NDOR1: variants seen among roughly 807,000 people sequenced by gnomAD.
The protein encoded by NDOR1 is NADPH-dependent diflavin oxidoreductase 1.
NDOR1 carries 61 observed loss-of-function variants against 67.2 expected under a neutral mutation model. The ratio of observed to expected loss-of-function variants is 0.91; its 90% CI spans 0.74 to 1.12. NDOR1 has a LOEUF of 1.12. Among genes scored for constraint, NDOR1 ranks in the 50% most tolerant of loss-of-function variants. NDOR1 has a pLI of 0.00. For missense variants in NDOR1, 878 were observed against 802.8 expected (o/e 1.09, Z -1.13); for synonymous variants, 378 against 343.7 (o/e 1.10, Z -1.10).
At position 137,214,663 on chromosome 9, in the gene NDOR1, GCT is replaced by G. The variant is rs747920756; in HGVS notation, c.819_820del (p.Phe274HisfsTer50). The G allele has an allele frequency of 2.5e-6, 4 of 1,606,090 alleles. No individual in the cohort carries two copies. The highest frequency in any genetic ancestry group is 3.4e-6 in the Non-Finnish European group (4 of 1,179,914). On this transcript the variant is annotated frameshift_variant, in exon 7 of 14. Coordinates refer to ENST00000684003, the MANE Select transcript of NDOR1 (RefSeq NM_014434.4). LOFTEE classifies it high-confidence loss of function. ...CQVLGLDPDQLFMLQPREPDV... is the reference protein window; with the variant it reads ...CQVLGLDPDQXFMLQPREPDV... The stretch of plus-strand genomic sequence containing the variant: ...AGGTGCTGGGCCTGGACCCTGACCA[GCT>G]CTTCATGCTGCAGCCGCGGGAGCCA...
At chr9:137,215,350 C>T in intron 9 of NDOR1, 57 bp from the exon 10 acceptor site, 2 of 1,582,274 alleles carry the variant, frequency 1.3e-6, no homozygotes, top group Admixed American at 3.4e-5. Flanking sequence ...GGCCCACGGC[C>T]CAGGCACAGG....
chr9:137,211,086 A>G (rs1349645457), intron 2 of NDOR1, among the ~76,000 whole-genome samples: 1 of 152,232 alleles, frequency 6.6e-6, no homozygotes, highest in Non-Finnish European at 1.5e-5. Context: ...GGTTGCGGTG[A>G]GCTGAGGTCG....
intron 2 of NDOR1, among the ~76,000 whole-genome samples, chr9:137,207,311 C>T (rs919131168): frequency 1.3e-5 from 2 of 151,572 alleles, no homozygotes; most frequent in Non-Finnish European, 2.9e-5. Context: ...GGAACGGACC[C>T]AATAGGTCAA....
In NDOR1 at chr9:137,217,026, C is replaced by T. The variant is rs1835643332; in HGVS notation, c.*610C>T. On this transcript the variant is annotated 3_prime_UTR_variant, in exon 14 of 14. Coordinates refer to ENST00000684003, the MANE Select transcript of NDOR1 (RefSeq NM_014434.4). The stretch of plus-strand genomic sequence containing the variant: ...GGGTGGTTACTTCTAGCGCAGGCTT[C>T]CTTCCTTCCTCTAGCTCCTCCCGGT... 5.5e-6 allele frequency: 1 copy of T among 180,786 alleles called. No homozygotes were observed. The highest frequency in any genetic ancestry group is 2.4e-5 in the African/African-American group (1 of 41,608). 11.2% of individuals were successfully genotyped at this position (180,786 alleles called of 1,614,324 possible).
intron 2 of NDOR1, among the ~76,000 whole-genome samples, chr9:137,210,230 T>C (rs1003478084): frequency 6.6e-6 from 1 of 152,148 alleles, no homozygotes; most frequent in Non-Finnish European, 1.5e-5. Context: ...CTTTTTCTTT[T>C]TCTTTCTGGA....
chr9:137,206,198 C>T (rs768349517), intron 1 of NDOR1, 34 bp from the exon 2 acceptor site: 1 of 1,612,740 alleles, frequency 6.2e-7, no homozygotes, highest in South Asian at 1.1e-5. Flanking sequence ...TCCTTACAGC[C>T]GGAGGTCTTA....
rs961444278 is a variant in NDOR1 at position 137,219,259 on chromosome 9, C to G, written c.*2843C>G. ...AACATAAGCTCTGCCCCTGCACACC[C>G]TCATGTCACCACACCTGGGATGGAG... On this transcript the variant is annotated 3_prime_UTR_variant, in exon 14 of 14. Coordinates refer to ENST00000684003, the MANE Select transcript of NDOR1 (RefSeq NM_014434.4). 6.6e-6 allele frequency: 1 copy of G among 152,256 alleles called. No homozygotes were observed. Among genetic ancestry groups the G allele is most frequent in the African/African-American group, 2.4e-5 (1 of 41,450 alleles). 9.4% of individuals were successfully genotyped at this position (152,256 alleles called of 1,614,324 possible). A position where few individuals can be genotyped will look rare whatever the true frequency, so the allele number is the denominator to read the frequency against.
At position 137,217,696 on chromosome 9, in the gene NDOR1, C is replaced by G. The variant is rs1299924513; in HGVS notation, c.*1280C>G. Reference sequence around the variant, plus strand: ...AGGAGAGCCAGCCGGGAGGTCAGTGCCAGAGCTCTGGTGGAGCCCAGACCC... The same window carrying G: ...AGGAGAGCCAGCCGGGAGGTCAGTGGCAGAGCTCTGGTGGAGCCCAGACCC... On this transcript the variant is annotated 3_prime_UTR_variant, in exon 14 of 14. Transcript: ENST00000684003. 3.1e-6 allele frequency: 1 copy of G among 324,984 alleles called. No individual in the cohort carries two copies. The highest frequency in any genetic ancestry group is 5.6e-6 in the Non-Finnish European group (1 of 179,364). 20.1% of individuals were successfully genotyped at this position (324,984 alleles called of 1,614,324 possible).
Position 137,215,409 on chromosome 9 carries a change from T to C in NDOR1, c.1176T>C (p.Thr392=). 8.0e-7 allele frequency: 1 copy of C among 1,247,696 alleles called. No individual in the cohort carries two copies. The highest frequency in any genetic ancestry group is 1.2e-5 in the South Asian group (1 of 84,960). The allele number at this position is 1,247,696 out of a possible 1,614,324, so 77.3% of individuals were successfully genotyped here. Residue 392 remains threonine, a splice_region_variant and synonymous_variant, in exon 10 of 14, where the codon ACT becomes ACC. Coordinates refer to ENST00000684003, the MANE Select transcript of NDOR1 (RefSeq NM_014434.4). ...CCCCACCCCGCCGTCCTCCCCAGAC[T>C]CACCCCTCACGGCTGCAGATCCTCG... ...RAFSIASSLL[T]HPSRLQILVA...
At position 137,216,475 on chromosome 9, in the gene NDOR1, T is replaced by C; in HGVS notation, c.*59T>C. ...ATCCTCCTGGGAGCCCAGGAAGGCA[T>C]CCACGAGGGAGCTCCTGGCCAGCAG... On this transcript the variant is annotated 3_prime_UTR_variant, in exon 14 of 14. Transcript: ENST00000684003. 1.3e-6 allele frequency: 2 copies of C among 1,554,122 alleles called. No individual in the cohort carries two copies. The highest frequency in any genetic ancestry group is 1.7e-6 in the Non-Finnish European group (2 of 1,154,626).
At chr9:137,207,912 A>G (rs1191138236) in intron 2 of NDOR1, among the ~76,000 whole-genome samples, 2 of 152,124 alleles carry the variant, frequency 1.3e-5, no homozygotes, top group Admixed American at 6.6e-5. Context: ...TGGGAGGCCG[A>G]GGCGGGCGAA....
Position 137,215,160 on chromosome 9 carries a change from C to G in NDOR1, c.1131C>G (p.Pro377=), listed in dbSNP as rs144634975. The part of the protein sequence containing the change: ...IPPDYLLDLI[P]VIRPRAFSIA... ...CCGACTACCTGTTGGACCTCATCCCCGTTATCCGGCCGAGGGCCTTCTCCA... is the reference window on the plus strand; with the variant it reads ...CCGACTACCTGTTGGACCTCATCCCGGTTATCCGGCCGAGGGCCTTCTCCA... Residue 377 remains proline (P), a synonymous_variant, in exon 9 of 14, where the codon CCC becomes CCG. Transcript: ENST00000684003. The G allele has an allele frequency of 1.9e-6, 3 of 1,613,410 alleles. No individual in the cohort carries two copies. Among genetic ancestry groups the G allele is most frequent in the Non-Finnish European group, 2.5e-6 (3 of 1,179,954 alleles).
Position 137,212,458 on chromosome 9 carries a change from C to A in NDOR1, c.214-44C>A, listed in dbSNP as rs759433841. 1.3e-6 allele frequency: 2 copies of A among 1,564,818 alleles called. No individual in the cohort carries two copies. Among genetic ancestry groups the A allele is most frequent in the Admixed American group, 3.3e-5 (2 of 59,930 alleles). ...CCCTCACCCCCTGCTGTGGGGCTAGCCTAGAGGTCGAGGACTCTGACTCAG... is the reference window on the plus strand; with the variant it reads ...CCCTCACCCCCTGCTGTGGGGCTAGACTAGAGGTCGAGGACTCTGACTCAG... On this transcript the variant is annotated intron_variant, in intron 2 of 13. Transcript: ENST00000684003. This position sits in a 1 kb window ranked among gnomAD's most constrained non-coding sequence, Gnocchi z 4.3.
chr9:137,206,185 C>G (rs762584780), intron 1 of NDOR1, 47 bp from the exon 2 acceptor site: 2 of 1,605,602 alleles, frequency 1.2e-6, no homozygotes, highest in Admixed American at 3.3e-5. Flanking sequence ...GAAGGACGCC[C>G]GGTCCTTACA....
Position 137,215,126 on chromosome 9 carries a change from C to T in NDOR1, c.1097C>T (p.Ala366Val). The T allele has an allele frequency of 1.2e-6, 2 of 1,613,770 alleles. No individual in the cohort carries two copies. Among genetic ancestry groups the T allele is most frequent in the Non-Finnish European group, 8.5e-7 (1 of 1,180,000 alleles). ...VLCDFPHTAA[A>V]IPPDYLLDLI... ...TGTGACTTCCCGCACACAGCTGCCG[C>T]CATCCCTCCCGACTACCTGTTGGAC... is the stretch of plus-strand genomic sequence containing the variant. The change falls in exon 9 of 14, where the codon GCC becomes GTC. Residue 366 changes from alanine to valine, a missense_variant. Transcript: ENST00000684003.
intron 8 of NDOR1, 37 bp downstream of exon 8, chr9:137,215,055 A>G: frequency 6.2e-7 from 1 of 1,612,588 alleles, no homozygotes. Flanking sequence ...CCCCTGAGCT[A>G]CAGCCACGCT....
intron 2 of NDOR1, among the ~76,000 whole-genome samples, chr9:137,207,492 A>G (rs6606563): frequency 0.89 from 135,071 of 151,974 alleles, 60,381 homozygotes; most frequent in East Asian, 1. Context: ...TGGGGCGGAG[A>G]TAGGTGTTGA....
chr9:137,211,426 A>C lies in NDOR1; in HGVS notation c.214-1076A>C, dbSNP rs140249333. 7.2e-3 allele frequency among the ~76,000 whole-genome samples: 1,091 copies of C among 152,302 alleles called. 12 individuals carry two copies. Among genetic ancestry groups the C allele is most frequent in the African/African-American group, 0.024 (1,003 of 41,564 alleles). On this transcript the variant is annotated intron_variant, in intron 2 of 13. Transcript: ENST00000684003. ...TGCCCTACACACCCCAAGGGCAGCA[A>C]GTGGGGCCCTGGCTTTTCAGTGGTG...
At position 137,213,831 on chromosome 9, in the gene NDOR1, C is replaced by A; in HGVS notation, c.363C>A (p.Gly121=). 1.2e-6 allele frequency: 2 copies of A among 1,612,096 alleles called. No individual in the cohort carries two copies. The highest frequency in any genetic ancestry group is 1.1e-5 in the South Asian group (1 of 91,002). ...ACCGACGGCTACTGCAGCTTGGGGG[C>A]AGCGCCCTCCTGCCCGTGTGCCTGG... is the stretch of plus-strand genomic sequence containing the variant. ...KLHRRLLQLG[G]SALLPVCLGD... is the part of the protein sequence containing the mutation. Residue 121 remains glycine (G), a synonymous_variant, in exon 4 of 14, where the codon GGC becomes GGA. Coordinates refer to ENST00000684003, the MANE Select transcript of NDOR1 (RefSeq NM_014434.4).
Sources: gnomAD v4.1 joint callset for allele counts (sites outside exome capture counted in the v4.1 genomes callset) on GRCh38, gnomAD v4.1.1 for gene constraint, Gnocchi (gnomAD v3.1) non-coding constraint, MANE v1.5 for transcripts, NCBI Gene and HGNC (gene_info 2026-07-23, HGNC 2026-07-21) for gene names.